SLC7A1: variants seen among roughly 807,000 people sequenced by gnomAD.
SLC7A1 encodes the protein high affinity cationic amino acid transporter 1.
SLC7A1 carries 10 observed loss-of-function variants against 53.9 expected under a neutral mutation model. That is an observed-to-expected ratio of 0.19 (90% confidence interval 0.11 to 0.31). The LOEUF is 0.31. Ranked by LOEUF, SLC7A1 falls within the 10% of genes least tolerant of loss-of-function variation. The probability of loss-of-function intolerance (pLI) is 1.00; values close to 1 mark genes in which losing one functional copy is unlikely to be tolerated. For synonymous variants in SLC7A1, 342 were observed against 338.7 expected, an observed-to-expected ratio of 1.01 and a Z score of -0.11; for missense variants, 525 against 827.2, an observed-to-expected ratio of 0.63 and a Z score of 4.48.
chr13:29,521,538 G>A (rs902683921), intron 8 of SLC7A1, among the ~76,000 whole-genome samples: 3 of 152,234 alleles, frequency 2.0e-5, no homozygotes, highest in African/African-American at 7.2e-5. Context: ...TCTGTACAGT[G>A]GGCTGACGTC....
At chr13:29,593,349 C>T (rs371062067) in intron 1 of SLC7A1, among the ~76,000 whole-genome samples, 1 of 152,174 alleles carries the variant, frequency 6.6e-6, no homozygotes, top group Non-Finnish European at 1.5e-5. Context: ...CAGAAAAACA[C>T]CACATCCTAT....
intron 1 of SLC7A1, among the ~76,000 whole-genome samples, chr13:29,575,633 G>T (rs925335498): frequency 6.6e-6 from 1 of 152,152 alleles, no homozygotes; most frequent in South Asian, 2.1e-4. Flanking sequence ...CTACTTTTAG[G>T]TATTTTATGA....
chr13:29,559,508 A>G, intron 1 of SLC7A1, among the ~76,000 whole-genome samples: 1 of 59,256 alleles, frequency 1.7e-5, no homozygotes, highest in African/African-American at 8.0e-5. Flanking sequence ...AGTGAATGTG[A>G]GTGACGGGGA....
chr13:29,525,340 C>T (rs760100073), intron 5 of SLC7A1, among the ~76,000 whole-genome samples: 4 of 152,218 alleles, frequency 2.6e-5, no homozygotes, highest in Admixed American at 1.3e-4. Context: ...CCCAAGAGGA[C>T]GCTCACCACC....
rs755301286 is a variant in SLC7A1 at position 29,523,255 on chromosome 13, AG to A, written c.1049+10del. On this transcript the variant is annotated intron_variant, in intron 7 of 12. Coordinates refer to ENST00000380752, the MANE Select transcript of SLC7A1 (RefSeq NM_003045.5). ...ACCCCTAGGAGCAGCCACCACAGAA[AG>A]GCCTCTCACCTGGCGGAAAGAGCGC... 2.9e-5 allele frequency: 46 copies of A among 1,610,032 alleles called. No homozygotes were observed. In the East Asian group the frequency reaches 1.0e-3, roughly 36 times the overall value.
chr13:29,589,616 G>A (rs1566279905), intron 1 of SLC7A1, among the ~76,000 whole-genome samples: 1 of 152,206 alleles, frequency 6.6e-6, no homozygotes, highest in Non-Finnish European at 1.5e-5. Flanking sequence ...CAAAGAGAGG[G>A]GAGGCAGGGT....
intron 11 of SLC7A1, 147 bp downstream of exon 11, chr13:29,516,997 G>C (rs1399867940): frequency 6.1e-6 from 4 of 660,850 alleles, no homozygotes; most frequent in African/African-American, 3.7e-5. Context: ...GTGCCTTCAG[G>C]ACCCCTGCCC....
intron 2 of SLC7A1, among the ~76,000 whole-genome samples, chr13:29,550,366 G>T (rs534846458): frequency 2.8e-4 from 43 of 152,288 alleles, no homozygotes; most frequent in Non-Finnish European, 5.0e-4. Flanking sequence ...AAAAAATCAA[G>T]GAGCAAAATA....
chr13:29,570,213 G>A (rs145454356), intron 1 of SLC7A1, among the ~76,000 whole-genome samples: 478 of 152,284 alleles, frequency 3.1e-3, no homozygotes, highest in Admixed American at 4.2e-3. Context: ...CCTCTGCCCC[G>A]AACTCAGCAT....
intron 3 of SLC7A1, among the ~76,000 whole-genome samples, chr13:29,533,462 G>GA (rs1869267186): frequency 6.6e-6 from 1 of 152,210 alleles, no homozygotes; most frequent in Non-Finnish European, 1.5e-5. Flanking sequence ...CTGCAGAGAT[G>GA]ATGGTGCCTG....
At chr13:29,592,486 G>A (rs1185296549) in intron 1 of SLC7A1, among the ~76,000 whole-genome samples, 2 of 152,222 alleles carry the variant, frequency 1.3e-5, no homozygotes, top group East Asian at 1.9e-4. Flanking sequence ...AAAGGAACAC[G>A]GCTAGCAAGC....
intron 1 of SLC7A1, among the ~76,000 whole-genome samples, chr13:29,591,543 G>A (rs56067612): frequency 0.016 from 2,328 of 148,266 alleles, 68 homozygotes; most frequent in African/African-American, 0.055. Flanking sequence ...TGCAGGACAC[G>A]GCAGTGTGGG....
chr13:29,545,489 T>C (rs576085954), intron 2 of SLC7A1, among the ~76,000 whole-genome samples: 35 of 152,356 alleles, frequency 2.3e-4, no homozygotes, highest in African/African-American at 7.5e-4. Flanking sequence ...GTCCTGCCAC[T>C]GCAAGGTGCT....
intron 2 of SLC7A1, among the ~76,000 whole-genome samples, chr13:29,542,173 G>A (rs918840648): frequency 3.9e-5 from 6 of 152,128 alleles, no homozygotes; most frequent in Non-Finnish European, 7.4e-5. Flanking sequence ...ACATGAACTC[G>A]GCCAGGCGCG....
chr13:29,541,571 A>C (rs929022779), intron 2 of SLC7A1, among the ~76,000 whole-genome samples: 1 of 152,248 alleles, frequency 6.6e-6, no homozygotes, highest in Non-Finnish European at 1.5e-5. Context: ...AGTTTAGTAC[A>C]TAGCAAAGGG....
At chr13:29,561,317 G>C (rs147112397) in intron 1 of SLC7A1, among the ~76,000 whole-genome samples, 1 of 152,128 alleles carries the variant, frequency 6.6e-6, no homozygotes, top group Admixed American at 6.5e-5. Flanking sequence ...GTGGTGACGC[G>C]CTGAGGGGGT....
intron 1 of SLC7A1, among the ~76,000 whole-genome samples, chr13:29,560,855 A>C (rs987738121): frequency 3.9e-5 from 6 of 152,194 alleles, no homozygotes; most frequent in African/African-American, 1.4e-4. Context: ...TCCGGGCATA[A>C]AATAACCCCA....
chr13:29,522,132 ACGGGCCTCTG>A (rs1473113753), intron 8 of SLC7A1, among the ~76,000 whole-genome samples, 175 bp downstream of exon 8: 3 of 152,202 alleles, frequency 2.0e-5, no homozygotes, highest in Non-Finnish European at 4.4e-5. Flanking sequence ...CCTCTGTCAA[ACGGGCCTCTG>A]CCTTTTGTCA....
At chr13:29,515,037 A>G (rs1005257274) in intron 12 of SLC7A1, among the ~76,000 whole-genome samples, 13 of 152,206 alleles carry the variant, frequency 8.5e-5, no homozygotes, top group African/African-American at 3.1e-4. Flanking sequence ...AGACTGCAGG[A>G]GACACTGAGC....
Sources: allele counts gnomAD v4.1 joint callset (sites outside exome capture counted in the v4.1 genomes callset), GRCh38; gene constraint gnomAD v4.1.1; transcripts MANE v1.5; gene names NCBI Gene and HGNC (gene_info 2026-07-23, HGNC 2026-07-21).